The following DIDO1 variants were observed in gnomAD, a reference collection of about 807,000 sequenced individuals.
DIDO1 encodes death-inducer obliterator 1.
A neutral mutation model predicts 99.4 loss-of-function variants in DIDO1; 16 were observed. The ratio of observed to expected loss-of-function variants is 0.16; its 90% CI spans 0.11 to 0.24. The LOEUF is 0.24. Ranked by LOEUF, DIDO1 falls within the 10% of genes least tolerant of loss-of-function variation. The probability of loss-of-function intolerance (pLI) is 1.00; values close to 1 mark genes in which losing one functional copy is unlikely to be tolerated. For missense variants in DIDO1, 2,996 were observed against 3,014.0 expected (o/e 0.99, Z 0.14); for synonymous variants, 1,366 against 1,239.1 (o/e 1.10, Z -2.15).
chr20:62,887,130 G>T (rs1006653665), intron 15 of DIDO1: 9 of 985,522 alleles, frequency 9.1e-6, no homozygotes, highest in Non-Finnish European at 1.1e-5. Flanking sequence ...GGTGCACTGC[G>T]CTGGCTTATG....
intron 15 of DIDO1, among the ~76,000 whole-genome samples, chr20:62,886,181 GGAGCAACCA>G (rs1182193752): frequency 1.3e-5 from 2 of 152,218 alleles, no homozygotes; most frequent in Non-Finnish European, 2.9e-5. Context: ...CCGGGGCTCA[GGAGCAACCA>G]GGGACCAGGG....
rs550355921 is a variant in DIDO1 at position 62,910,309 on chromosome 20, C to A, written c.840-289G>T. On this transcript the variant is annotated intron_variant, in intron 3 of 15. Coordinates refer to ENST00000395343, the MANE Select transcript of DIDO1 (RefSeq NM_001193369.2). Reference sequence around the variant, plus strand: ...CAATGCCTTTATCCCAGCGCCAAGCCAACAGGCTGCCTATCACCGTCTGAC... The same window carrying A: ...CAATGCCTTTATCCCAGCGCCAAGCAAACAGGCTGCCTATCACCGTCTGAC... Among the ~76,000 whole-genome samples the A allele has an allele frequency of 3.2e-4, 48 of 152,310 alleles. No homozygotes were observed. In the South Asian group the frequency reaches 9.7e-3, roughly 31 times the overall value.
At chr20:62,890,079 A>G (rs898228379) in intron 15 of DIDO1, 5 of 985,836 alleles carry the variant, frequency 5.1e-6, no homozygotes, top group Non-Finnish European at 4.8e-6. Context: ...CTATGGCAGG[A>G]ACACCCGCCG....
At chr20:62,891,942 A>G in intron 14 of DIDO1, 45 bp downstream of exon 14, 1 of 1,540,194 alleles carries the variant, frequency 6.5e-7, no homozygotes, top group Admixed American at 1.9e-5. Flanking sequence ...TGTTTAAATC[A>G]ACACAATTTT....
chr20:62,883,463 C>A (rs1350969546), intron 15 of DIDO1, among the ~76,000 whole-genome samples: 1 of 150,854 alleles, frequency 6.6e-6, no homozygotes, highest in African/African-American at 2.4e-5. Flanking sequence ...GAGGCCAAGG[C>A]GGGTGGATCA....
intron 1 of DIDO1, among the ~76,000 whole-genome samples, chr20:62,934,888 T>G (rs2065366618): frequency 6.6e-6 from 1 of 152,322 alleles, no homozygotes; most frequent in South Asian, 2.1e-4. Flanking sequence ...GCCACTTTCT[T>G]GCTACCCTTC....
chr20:62,925,921 T>G (rs1002342218), intron 1 of DIDO1, among the ~76,000 whole-genome samples: 1 of 152,044 alleles, frequency 6.6e-6, no homozygotes, highest in Admixed American at 6.5e-5. Flanking sequence ...CAGCCGCCCC[T>G]GCAGTGCCGG....
chr20:62,927,141 G>T (rs1468611861), upstream of DIDO1, among the ~76,000 whole-genome samples: 1 of 152,172 alleles, frequency 6.6e-6, no homozygotes, highest in African/African-American at 2.4e-5. Context: ...GCACAGCGAG[G>T]AAGGGAGGCG....
intron 15 of DIDO1, 150 bp downstream of exon 15, chr20:62,890,810 G>A (rs1237048967): frequency 6.6e-7 from 1 of 1,515,022 alleles, no homozygotes; most frequent in Admixed American, 2.2e-5. Flanking sequence ...CGCCCTCAAA[G>A]ATGAATCCTA....
Position 62,909,863 on chromosome 20 carries a change from C to T in DIDO1, c.997G>A (p.Ala333Thr), listed in dbSNP as rs150176954. 7 of 1,614,096 alleles carry T rather than the reference C, an allele frequency of 4.3e-6. No individual in the cohort carries two copies. The highest frequency in any genetic ancestry group is 1.3e-5 in the African/African-American group (1 of 74,926). ...QVQDETHSETADQQEAKWRPG... is the reference protein window; with the variant it reads ...QVQDETHSETTDQQEAKWRPG... Reference sequence around the variant, plus strand: ...CTCCATTTAGCTTCCTGCTGATCTGCCGTTTCTGAATGAGTCTCATCCTGC... The same window carrying T: ...CTCCATTTAGCTTCCTGCTGATCTGTCGTTTCTGAATGAGTCTCATCCTGC... The change falls in exon 4 of 16, where the codon GCA becomes ACA. Residue 333 changes from alanine to threonine, a missense_variant. Physicochemically the swap from Ala to Thr is moderately conservative, Grantham distance 58. Coordinates refer to ENST00000395343, the MANE Select transcript of DIDO1 (RefSeq NM_001193369.2).
intron 15 of DIDO1, among the ~76,000 whole-genome samples, chr20:62,885,656 A>G (rs2147365579): frequency 6.6e-6 from 1 of 152,298 alleles, no homozygotes; most frequent in South Asian, 2.1e-4. Context: ...GCTCGTTCTG[A>G]ATTTCCCCGC....
chr20:62,892,115 T>C (rs756661819), intron 13 of DIDO1, 39 bp from the exon 14 acceptor site: 31 of 1,567,086 alleles, frequency 2.0e-5, no homozygotes, highest in Non-Finnish European at 2.6e-5. Context: ...CTTTGAACTG[T>C]AGTAGTCACA....
rs2064927141 is a variant in DIDO1 at position 62,911,118 on chromosome 20, C to T, written c.495G>A (p.Gln165=). 1 of 1,614,000 alleles carries T rather than the reference C, an allele frequency of 6.2e-7. No homozygotes were observed. Among genetic ancestry groups the T allele is most frequent in the African/African-American group, 1.3e-5 (1 of 74,946 alleles). The change falls in exon 3 of 16, where the codon CAG becomes CAA. Residue 165 remains glutamine, a synonymous_variant. Coordinates refer to ENST00000395343, the MANE Select transcript of DIDO1 (RefSeq NM_001193369.2). This position sits in a 1 kb window ranked among gnomAD's most constrained non-coding sequence, Gnocchi z 7.0. ...DSDGLTLKEL[Q]NRLRRKREQE... Reference sequence around the variant, plus strand: ...GTTCCCGCTTCCTGCGAAGGCGATTCTGAAGCTCTTTCAAGGTCAGGCCAT... The same window carrying T: ...GTTCCCGCTTCCTGCGAAGGCGATTTTGAAGCTCTTTCAAGGTCAGGCCAT...
intron 6 of DIDO1, among the ~76,000 whole-genome samples, chr20:62,903,405 G>C (rs552581593): frequency 1.3e-5 from 2 of 152,300 alleles, no homozygotes; most frequent in South Asian, 2.1e-4. Context: ...TGTGTGGTGA[G>C]GCAAGTGTGA....
chr20:62,905,800 C>A, intron 6 of DIDO1, 87 bp downstream of exon 6: 1 of 1,613,266 alleles, frequency 6.2e-7, no homozygotes, highest in African/African-American at 1.3e-5. Flanking sequence ...CACAAAGCTG[C>A]AACTCCCAGT....
At chr20:62,918,219 C>T (rs2065073170) in intron 1 of DIDO1, among the ~76,000 whole-genome samples, 1 of 152,234 alleles carries the variant, frequency 6.6e-6, no homozygotes, top group Non-Finnish European at 1.5e-5. Flanking sequence ...GCAACTATTA[C>T]AATGCATGGG....
chr20:62,910,655 G>C lies in DIDO1; in HGVS notation c.839+119C>G, dbSNP rs965051540. 7 of 1,213,648 alleles carry C rather than the reference G, an allele frequency of 5.8e-6. 1 individual carries two copies. Among genetic ancestry groups the C allele is most frequent in the South Asian group, 1.5e-5 (1 of 67,466 alleles). 75.2% of individuals were successfully genotyped at this position (1,213,648 alleles called of 1,614,324 possible). On this transcript the variant is annotated intron_variant, in intron 3 of 15. Coordinates refer to ENST00000395343, the MANE Select transcript of DIDO1 (RefSeq NM_001193369.2). ...TTATGTGTTTCTTTTTTGACAACTT[G>C]TTCATCTTTTCCAACAAATCGCTCA... is the stretch of plus-strand genomic sequence containing the variant.
At chr20:62,913,402 T>TG (rs2064983472) in intron 2 of DIDO1, among the ~76,000 whole-genome samples, 1 of 152,192 alleles carries the variant, frequency 6.6e-6, no homozygotes, top group Non-Finnish European at 1.5e-5. Flanking sequence ...ACCAGCCAGG[T>TG]GACCCCAGGC....
intron 15 of DIDO1, among the ~76,000 whole-genome samples, chr20:62,885,531 C>T (rs1218991935): frequency 3.3e-5 from 5 of 152,172 alleles, no homozygotes; most frequent in Admixed American, 2.0e-4. Flanking sequence ...AAACAGCAAC[C>T]GTCTGGAGAT....
Sources: allele counts gnomAD v4.1 joint callset (sites outside exome capture counted in the v4.1 genomes callset), GRCh38; gene constraint gnomAD v4.1.1; non-coding constraint Gnocchi (gnomAD v3.1); transcripts MANE v1.5; gene names NCBI Gene and HGNC (gene_info 2026-07-23, HGNC 2026-07-21).